The following ATP2C1 variants were observed in gnomAD, a reference collection of about 807,000 sequenced individuals.
ATP2C1 encodes calcium-transporting ATPase type 2C member 1.
In ATP2C1, 31 loss-of-function variants were observed where a neutral mutation model predicts 120.5. That is an observed-to-expected ratio of 0.26 (90% CI 0.19 to 0.35). ATP2C1 has a LOEUF of 0.35. Ranked by LOEUF, ATP2C1 falls within the 10% of genes least tolerant of loss-of-function variation. The pLI is 1.00. For synonymous variants in ATP2C1, 351 were observed against 358.7 expected, an observed-to-expected ratio of 0.98 and a Z score of 0.24; for missense variants, 731 against 1,107.5, an observed-to-expected ratio of 0.66 and a Z score of 4.83.
At chr3:130,937,671 A>T (rs903388901) in intron 6 of ATP2C1, among the ~76,000 whole-genome samples, 3 of 152,214 alleles carry the variant, frequency 2.0e-5, no homozygotes, top group Admixed American at 6.5e-5. Flanking sequence ...AGGTAGTGAG[A>T]TGAAGAAAAT....
upstream of ATP2C1, among the ~76,000 whole-genome samples, chr3:130,891,336 A>G (rs896613356): frequency 6.6e-6 from 1 of 152,222 alleles, no homozygotes; most frequent in African/African-American, 2.4e-5. Context: ...GATATTAAAA[A>G]CAAGATACCG....
chr3:130,959,349 T>G lies in ATP2C1; in HGVS notation c.899+8T>G. 2 of 1,586,160 alleles carry G rather than the reference T, an allele frequency of 1.3e-6. No homozygotes were observed. Among genetic ancestry groups the G allele is most frequent in the Non-Finnish European group, 1.7e-6 (2 of 1,155,514 alleles). On this transcript the variant is annotated splice_region_variant and intron_variant, in intron 12 of 27. Coordinates refer to ENST00000510168, the MANE Select transcript of ATP2C1 (RefSeq NM_001378687.1). ...GTTTACTATTAGTGTAAGGTAAGTC[T>G]CAATACTTTATAATTGGAGTCTCTT...
chr3:130,964,693 T>C (rs964451718), intron 13 of ATP2C1, among the ~76,000 whole-genome samples: 4 of 152,056 alleles, frequency 2.6e-5, no homozygotes, highest in Non-Finnish European at 5.9e-5. Context: ...ATAAAGCTAA[T>C]GTGAAGTAGC....
chr3:131,011,342 G>C (rs1317082318), intron 26 of ATP2C1, among the ~76,000 whole-genome samples: 1 of 152,144 alleles, frequency 6.6e-6, no homozygotes, highest in Non-Finnish European at 1.5e-5. Context: ...AAGTTTTCCT[G>C]TCTCTGCAGC....
At chr3:130,963,933 T>G (rs1237922339) in intron 12 of ATP2C1, 38 bp from the exon 13 acceptor site, 1 of 1,611,506 alleles carries the variant, frequency 6.2e-7, no homozygotes, top group South Asian at 1.1e-5. Context: ...GAGTGCTGTT[T>G]AACCTACATT....
chr3:130,899,283 ATAG>A (rs1483347481), intron 2 of ATP2C1: 1 of 152,188 alleles, frequency 6.6e-6, no homozygotes, highest in Non-Finnish European at 1.5e-5. Context: ...TAAACTACTA[ATAG>A]TCTCTACTGT....
chr3:130,900,834 C>A (rs2057787177), intron 2 of ATP2C1, among the ~76,000 whole-genome samples: 1 of 152,106 alleles, frequency 6.6e-6, no homozygotes, highest in African/African-American at 2.4e-5. Context: ...ATAAATTAGC[C>A]TTTTGATGCT....
chr3:130,876,604 C>A (rs1386282639), intron 1 of ATP2C1, among the ~76,000 whole-genome samples: 3 of 152,104 alleles, frequency 2.0e-5, no homozygotes, highest in African/African-American at 7.2e-5. Context: ...TCCTCAGGAT[C>A]TTTTGTGTTT....
intron 19 of ATP2C1, among the ~76,000 whole-genome samples, chr3:130,980,338 A>G (rs1477847387): frequency 1.3e-5 from 2 of 151,624 alleles, no homozygotes; most frequent in African/African-American, 4.8e-5. Context: ...CTGTAGCCCC[A>G]AAGTGCAGAG....
chr3:130,989,045 G>C lies in ATP2C1; in HGVS notation c.1840-3906G>C, dbSNP rs377564562. ...AGGCTGGTGGATCATAAGGTCAGGA[G>C]TTCAAGACCAGCCTGGCCAAGATGG... On this transcript the variant is annotated intron_variant, in intron 20 of 27. Coordinates refer to ENST00000510168, the MANE Select transcript of ATP2C1 (RefSeq NM_001378687.1). Among the ~76,000 whole-genome samples the C allele has an allele frequency of 3.4e-4, 51 of 152,204 alleles. 1 individual carries two copies. The East Asian group carries it at 9.9e-3, about 29-fold the overall frequency.
chr3:130,995,408 C>T (rs1299072917), intron 22 of ATP2C1, among the ~76,000 whole-genome samples: 1 of 147,666 alleles, frequency 6.8e-6, no homozygotes, highest in Non-Finnish European at 1.5e-5. Flanking sequence ...GGGCAAGACC[C>T]TGTCTCAAAA....
At chr3:130,931,107 A>G (rs1201547206) in intron 3 of ATP2C1, among the ~76,000 whole-genome samples, 2 of 152,132 alleles carry the variant, frequency 1.3e-5, no homozygotes, top group East Asian at 1.9e-4. Context: ...TAGTGATAGC[A>G]TTAAAAACAT....
At chr3:130,940,565 A>G in intron 6 of ATP2C1, 65 bp from the exon 7 acceptor site, 2 of 1,040,328 alleles carry the variant, frequency 1.9e-6, no homozygotes, top group Non-Finnish European at 1.5e-6. Flanking sequence ...GATTGAGATT[A>G]ATAAGTCTAA....
At chr3:130,945,976 G>C (rs1039222118) in intron 8 of ATP2C1, among the ~76,000 whole-genome samples, 1 of 150,554 alleles carries the variant, frequency 6.6e-6, no homozygotes, top group Non-Finnish European at 1.5e-5. Flanking sequence ...ATAATACATC[G>C]CTTGAAATGA....
intron 17 of ATP2C1, among the ~76,000 whole-genome samples, chr3:130,973,581 G>A (rs2061422287): frequency 6.6e-6 from 1 of 152,108 alleles, no homozygotes; most frequent in East Asian, 1.9e-4. Context: ...CTGGACAAAG[G>A]GATGATGTCC....
intron 2 of ATP2C1, among the ~76,000 whole-genome samples, chr3:130,923,739 C>T (rs770173305): frequency 1.9e-4 from 29 of 151,462 alleles, no homozygotes; most frequent in Non-Finnish European, 2.8e-4. Context: ...TGGTGGCTCA[C>T]GCCTGTAATC....
In ATP2C1 at chr3:130,953,076, CGTATGTATGTAT is replaced by C. The variant is rs10576619; in HGVS notation, c.532-716_532-705del. ...GCCCTAGTCCTCTCCCTCACTTGTT[CGTATGTATGTAT>C]GTATGTATGTATGTATGTATGTATG... On this transcript the variant is annotated intron_variant, in intron 8 of 27. Coordinates refer to ENST00000510168, the MANE Select transcript of ATP2C1 (RefSeq NM_001378687.1). 9.6e-4 allele frequency among the ~76,000 whole-genome samples: 143 copies of C among 149,336 alleles called. 1 individual carries two copies. The highest frequency in any genetic ancestry group is 1.1e-3 in the African/African-American group (45 of 40,662).
At chr3:130,978,753 G>C (rs2061632096) in intron 18 of ATP2C1, among the ~76,000 whole-genome samples, 1 of 152,108 alleles carries the variant, frequency 6.6e-6, no homozygotes, top group Non-Finnish European at 1.5e-5. Flanking sequence ...GTTGTTACAG[G>C]CTGTGTATAA....
At chr3:130,851,581 T>C (rs2067678154) in intron 1 of ATP2C1, among the ~76,000 whole-genome samples, 1 of 152,230 alleles carries the variant, frequency 6.6e-6, no homozygotes, top group Non-Finnish European at 1.5e-5. Flanking sequence ...AATCATGCAG[T>C]CATTTTTATG....
Sources: allele counts gnomAD v4.1 joint callset (sites outside exome capture counted in the v4.1 genomes callset), GRCh38; gene constraint gnomAD v4.1.1; transcripts MANE v1.5; gene names NCBI Gene and HGNC (gene_info 2026-07-23, HGNC 2026-07-21).